RERE: variants seen among roughly 807,000 people sequenced by gnomAD.
RERE encodes arginine-glutamic acid dipeptide repeats.
Under a neutral mutation model 146.1 loss-of-function variants are expected in RERE, and 40 were observed. The ratio of observed to expected loss-of-function variants is 0.27; its 90% CI spans 0.21 to 0.36. The LOEUF (loss-of-function observed/expected upper bound fraction) is 0.36, where lower values mean the gene tolerates loss of function less well. Among genes scored for constraint, RERE ranks in the 10% least tolerant of loss-of-function variants. RERE has a pLI of 1.00. For synonymous variants in RERE, 1,003 were observed against 866.0 expected, an observed-to-expected ratio of 1.16 and a Z score of -2.78; for missense variants, 1,933 against 2,138.7, an observed-to-expected ratio of 0.90 and a Z score of 1.90.
intron 1 of RERE, among the ~76,000 whole-genome samples, chr1:8,747,805 T>A (rs894715796): frequency 6.6e-6 from 1 of 152,120 alleles, no homozygotes; most frequent in African/African-American, 2.4e-5. Flanking sequence ...AGAGCTTTGC[T>A]CTGTCGCCCG....
chr1:8,515,318 C>T (rs1645399368), intron 7 of RERE, among the ~76,000 whole-genome samples: 1 of 151,558 alleles, frequency 6.6e-6, no homozygotes, highest in African/African-American at 2.4e-5. Flanking sequence ...GCTATGATCA[C>T]ACCACTGCAC....
At chr1:8,530,679 C>CTTTTTTTTT (rs1197212764) in intron 7 of RERE, among the ~76,000 whole-genome samples, 29 of 96,936 alleles carry the variant, frequency 3.0e-4, no homozygotes, top group African/African-American at 1.0e-3. Flanking sequence ...TTTTCGTTTT[C>CTTTTTTTTT]TTTTTTTTTT....
At chr1:8,477,187 G>A (rs963419241) in intron 10 of RERE, among the ~76,000 whole-genome samples, 1 of 152,082 alleles carries the variant, frequency 6.6e-6, no homozygotes, top group Non-Finnish European at 1.5e-5. Context: ...TTATAAATGC[G>A]AGATCAGCCA....
chr1:8,577,476 T>C (rs1646310428), intron 4 of RERE, among the ~76,000 whole-genome samples: 1 of 152,166 alleles, frequency 6.6e-6, no homozygotes, highest in East Asian at 1.9e-4. Context: ...TTACAGTTGG[T>C]CATGCCAACA....
intron 1 of RERE, among the ~76,000 whole-genome samples, chr1:8,734,882 C>T (rs187080939): frequency 5.5e-4 from 84 of 152,160 alleles, no homozygotes; most frequent in Non-Finnish European, 1.1e-3. Flanking sequence ...CTCAATTATC[C>T]TTCTCAACTT....
chr1:8,572,541 G>A (rs1212552311), intron 4 of RERE, among the ~76,000 whole-genome samples: 2 of 152,176 alleles, frequency 1.3e-5, no homozygotes, highest in South Asian at 2.1e-4. Flanking sequence ...CAGTTTTAGC[G>A]ACAAGTGATA....
chr1:8,789,299 A>ATATAT (rs1287393421), intron 1 of RERE, among the ~76,000 whole-genome samples: 25 of 54,846 alleles, frequency 4.6e-4, no homozygotes, highest in East Asian at 8.1e-4. Context: ...AAAAAAAAAA[A>ATATAT]AAATATATAT....
intron 6 of RERE, among the ~76,000 whole-genome samples, chr1:8,549,134 T>C (rs1448045964): frequency 6.6e-6 from 1 of 152,138 alleles, no homozygotes; most frequent in African/African-American, 2.4e-5. Flanking sequence ...AACAATGATA[T>C]CCAGTAGTAA....
Position 8,686,153 on chromosome 1 carries a change from T to C in RERE, c.-144-29712A>G, listed in dbSNP as rs552622375. 3.5e-4 allele frequency among the ~76,000 whole-genome samples: 54 copies of C among 152,132 alleles called. 1 individual carries two copies. Among genetic ancestry groups the C allele is most frequent in the Middle Eastern group, 3.4e-3 (1 of 294 alleles). On this transcript the variant is annotated intron_variant, in intron 1 of 22. Transcript: ENST00000400908. ...CACATCACCATGCCTGGCTAATTTA[T>C]TGTATTTTTAGTAGAGACGGGGTTT...
At chr1:8,814,132 T>C (rs1286863860) in intron 1 of RERE, among the ~76,000 whole-genome samples, 1 of 152,202 alleles carries the variant, frequency 6.6e-6, no homozygotes, top group Non-Finnish European at 1.5e-5. Flanking sequence ...ACTGTTCACA[T>C]TTCATTGTAA....
chr1:8,734,291 T>C (rs1640150766), intron 1 of RERE, among the ~76,000 whole-genome samples: 1 of 152,170 alleles, frequency 6.6e-6, no homozygotes. Flanking sequence ...AATTATATCA[T>C]TTCTTCAGGA....
At chr1:8,761,438 A>G (rs901066762) in intron 1 of RERE, among the ~76,000 whole-genome samples, 3 of 152,064 alleles carry the variant, frequency 2.0e-5, no homozygotes, top group Admixed American at 2.0e-4. Context: ...TTCTTCCTCA[A>G]ATCAGTTTGT....
At chr1:8,392,169 A>G (rs1045740844) in intron 12 of RERE, among the ~76,000 whole-genome samples, 10 of 152,268 alleles carry the variant, frequency 6.6e-5, no homozygotes, top group African/African-American at 2.2e-4. Context: ...AAGAAATCTA[A>G]TAACAACTTG....
intron 11 of RERE, among the ~76,000 whole-genome samples, chr1:8,437,081 A>T (rs1194734813): frequency 6.6e-6 from 1 of 152,248 alleles, no homozygotes. Flanking sequence ...TAGGGCCGTT[A>T]TTTCAAATTA....
intron 12 of RERE, among the ~76,000 whole-genome samples, 200 bp downstream of exon 12, chr1:8,422,527 G>C (rs1431520870): frequency 6.6e-6 from 1 of 152,192 alleles, no homozygotes; most frequent in Admixed American, 6.5e-5. Flanking sequence ...AGGCGGATAA[G>C]CATAATCTGT....
intron 12 of RERE, among the ~76,000 whole-genome samples, chr1:8,377,111 C>G (rs1361635925): frequency 6.6e-6 from 1 of 152,160 alleles, no homozygotes. Flanking sequence ...TTGGAAACCA[C>G]TCATTTGAAG....
intron 1 of RERE, chr1:8,786,964 A>C: frequency 4.7e-6 from 3 of 643,670 alleles, no homozygotes; most frequent in Non-Finnish European, 8.3e-6. Context: ...TCGCAGTCTA[A>C]CTTTCACACA....
rs78175431 is a variant in RERE, at chr1:8,679,174, C to A, written c.-144-22733G>T. 4.7e-3 allele frequency among the ~76,000 whole-genome samples: 715 copies of A among 152,216 alleles called. 3 individuals carry two copies. Among genetic ancestry groups the A allele is most frequent in the African/African-American group, 0.017 (688 of 41,520 alleles). On this transcript the variant is annotated intron_variant, in intron 1 of 22. Coordinates refer to ENST00000400908, the MANE Select transcript of RERE (RefSeq NM_001042681.2). ...TTAAGATTCTCATTTCCTCAATAAG[C>A]CACTCTCTTTTAATCAACTCTAATA...
Position 8,358,341 on chromosome 1 carries a change from G to A in RERE, c.4194C>T (p.Ala1398=), listed in dbSNP as rs373633389. 32 of 1,612,730 alleles carry A rather than the reference G, an allele frequency of 2.0e-5. No homozygotes were observed. Among genetic ancestry groups the A allele is most frequent in the Middle Eastern group, 1.6e-4 (1 of 6,080 alleles). The change falls in exon 20 of 23, where the codon GCC becomes GCT. Residue 1398 remains alanine, a synonymous_variant. Transcript: ENST00000400908. ...PEMSYPDRLA[A]ERIHAERMAS... is the part of the protein sequence containing the mutation. ...CCATGCGCTCTGCGTGGATACGCTC[G>A]GCTGCCAGTCTGTCAGGGTAGCTCA...
Sources: gnomAD v4.1 joint callset for allele counts (sites outside exome capture counted in the v4.1 genomes callset) on GRCh38, gnomAD v4.1.1 for gene constraint, MANE v1.5 for transcripts, NCBI Gene and HGNC (gene_info 2026-07-23, HGNC 2026-07-21) for gene names.